The following CDH8 variants were observed in gnomAD, a reference collection of about 807,000 sequenced individuals.
CDH8 encodes cadherin 8, also known as cadherin-8.
In CDH8, 17 loss-of-function variants were observed where a neutral mutation model predicts 68.1. The observed-to-expected ratio is 0.25, with a 90% CI of 0.17 to 0.37. The LOEUF (loss-of-function observed/expected upper bound fraction) is 0.37, where lower values mean the gene tolerates loss of function less well. Ranked by LOEUF, CDH8 falls within the 10% of genes least tolerant of loss-of-function variation. CDH8 has a pLI of 1.00. For synonymous variants in CDH8, 372 were observed against 365.1 expected, an observed-to-expected ratio of 1.02 and a Z score of -0.21; for missense variants, 763 against 999.3, an observed-to-expected ratio of 0.76 and a Z score of 3.19.
intron 1 of CDH8, among the ~76,000 whole-genome samples, chr16:62,022,736 G>A (rs934398288): frequency 6.6e-6 from 1 of 152,132 alleles, no homozygotes; most frequent in Non-Finnish European, 1.5e-5. Flanking sequence ...GAATAAGAAA[G>A]CTAGAAAGTC....
intron 3 of CDH8, among the ~76,000 whole-genome samples, chr16:61,887,441 A>G (rs927524711): frequency 6.6e-6 from 1 of 152,214 alleles, no homozygotes; most frequent in East Asian, 1.9e-4. Context: ...CTGGAAGTCC[A>G]AGGTCAAGAT....
At chr16:61,698,378 G>T (rs1273377163) in intron 10 of CDH8, among the ~76,000 whole-genome samples, 1 of 152,118 alleles carries the variant, frequency 6.6e-6, no homozygotes, top group Admixed American at 6.5e-5. Flanking sequence ...TTGTATGCTT[G>T]TCTCTGTCCC....
intron 8 of CDH8, among the ~76,000 whole-genome samples, chr16:61,769,524 A>T (rs979942456): frequency 6.6e-6 from 1 of 151,734 alleles, no homozygotes; most frequent in African/African-American, 2.4e-5. Flanking sequence ...ACAGACACTA[A>T]AGATTTATCA....
intron 4 of CDH8, among the ~76,000 whole-genome samples, chr16:61,826,373 T>C (rs1962335299): frequency 6.6e-6 from 1 of 151,890 alleles, no homozygotes; most frequent in Non-Finnish European, 1.5e-5. Context: ...ATGATAATAT[T>C]GTATTTTTTT....
chr16:61,893,270 A>T (rs1378888652), intron 3 of CDH8, among the ~76,000 whole-genome samples: 5 of 152,174 alleles, frequency 3.3e-5, no homozygotes, highest in Non-Finnish European at 7.4e-5. Flanking sequence ...CTTAGGGCCC[A>T]GTCAACTCCA....
intron 8 of CDH8, among the ~76,000 whole-genome samples, chr16:61,727,648 G>A (rs1469956790): frequency 6.6e-6 from 1 of 150,886 alleles, no homozygotes; most frequent in Non-Finnish European, 1.5e-5. Flanking sequence ...CCTAGCAAAA[G>A]GCCAGAACTA....
At chr16:61,737,065 T>C (rs967907521) in intron 8 of CDH8, among the ~76,000 whole-genome samples, 2 of 152,264 alleles carry the variant, frequency 1.3e-5, no homozygotes, top group East Asian at 3.9e-4. Flanking sequence ...AGTAGTGACT[T>C]CCTATCACCT....
intron 7 of CDH8, among the ~76,000 whole-genome samples, chr16:61,792,062 C>G (rs1184364188): frequency 6.6e-6 from 1 of 151,892 alleles, no homozygotes; most frequent in African/African-American, 2.4e-5. Flanking sequence ...TAATAAACTT[C>G]CCTATTTAGA....
intron 10 of CDH8, among the ~76,000 whole-genome samples, chr16:61,675,417 T>C (rs1338207400): frequency 8.3e-6 from 1 of 120,364 alleles, no homozygotes; most frequent in Non-Finnish European, 1.6e-5. Flanking sequence ...CATGGACACA[T>C]GAAGGGGAAT....
chr16:62,006,429 G>C (rs1032467216), intron 2 of CDH8, among the ~76,000 whole-genome samples: 2 of 152,096 alleles, frequency 1.3e-5, no homozygotes, highest in East Asian at 1.9e-4. Context: ...TAGCCAACCT[G>C]GGACAGTGAC....
chr16:61,994,683 C>T (rs1017973528), intron 2 of CDH8, among the ~76,000 whole-genome samples: 9 of 152,066 alleles, frequency 5.9e-5, no homozygotes, highest in Non-Finnish European at 1.2e-4. Context: ...CTGTCAGAAA[C>T]ACAAATTCTG....
chr16:61,821,218 A>G (rs1962208665), intron 5 of CDH8, 105 bp from the exon 6 acceptor site: 1 of 692,976 alleles, frequency 1.4e-6, no homozygotes, highest in East Asian at 2.7e-5. Context: ...GCATTCCTAT[A>G]GATGCTACCA....
chr16:61,765,250 C>T lies in CDH8; in HGVS notation c.1414+24096G>A, dbSNP rs562129827. On this transcript the variant is annotated intron_variant, in intron 8 of 11. Transcript: ENST00000577390. ...TTATCTGAGAAACTATGCAATTTTTCTAGAAAAAAATAATGAATGCATGGC... is the reference window on the plus strand; with the variant it reads ...TTATCTGAGAAACTATGCAATTTTTTTAGAAAAAAATAATGAATGCATGGC... 2.0e-5 allele frequency among the ~76,000 whole-genome samples: 3 copies of T among 151,950 alleles called. No individual in the cohort carries two copies. The East Asian group carries it at 5.8e-4, about 29-fold the overall frequency.
chr16:61,981,449 T>C (rs1965526717), intron 2 of CDH8, among the ~76,000 whole-genome samples: 1 of 152,196 alleles, frequency 6.6e-6, no homozygotes, highest in African/African-American at 2.4e-5. Flanking sequence ...AATCTAAAGC[T>C]GAACATGGAT....
chr16:61,905,712 A>G (rs896635215), intron 2 of CDH8, among the ~76,000 whole-genome samples: 1 of 152,074 alleles, frequency 6.6e-6, no homozygotes, highest in East Asian at 1.9e-4. Context: ...GGACTGTGAG[A>G]GCATACAGAA....
intron 8 of CDH8, among the ~76,000 whole-genome samples, chr16:61,762,817 A>G (rs2142973918): frequency 6.6e-6 from 1 of 152,328 alleles, no homozygotes; most frequent in African/African-American, 2.4e-5. Context: ...TGGAGTCAGC[A>G]TCACCTAGAG....
chr16:61,982,447 C>T (rs540515434), intron 2 of CDH8, among the ~76,000 whole-genome samples: 1 of 152,190 alleles, frequency 6.6e-6, no homozygotes, highest in East Asian at 1.9e-4. Flanking sequence ...TCTCCATCTC[C>T]TGACCTCGTG....
At chr16:61,991,995 GTAGTGAATC>G (rs1367351736) in intron 2 of CDH8, among the ~76,000 whole-genome samples, 1 of 151,454 alleles carries the variant, frequency 6.6e-6, no homozygotes, top group East Asian at 1.9e-4. Context: ...GCCAGATAAT[GTAGTGAATC>G]TATCCCCTGT....
chr16:61,762,759 T>C (rs1050220927), intron 8 of CDH8, among the ~76,000 whole-genome samples: 4 of 152,164 alleles, frequency 2.6e-5, no homozygotes, highest in Admixed American at 2.6e-4. Flanking sequence ...TAGTATTAAA[T>C]GTGTATTATA....
Sources: gnomAD v4.1 joint callset for allele counts (sites outside exome capture counted in the v4.1 genomes callset) on GRCh38, gnomAD v4.1.1 for gene constraint, MANE v1.5 for transcripts, NCBI Gene and HGNC (gene_info 2026-07-23, HGNC 2026-07-21) for gene names.